Variants in DNAJC11 observed in about 807,000 individuals in gnomAD.
DNAJC11 encodes the protein dnaJ homolog subfamily C member 11.
Under a neutral mutation model 78.6 loss-of-function variants are expected in DNAJC11, and 15 were observed. That is an observed-to-expected ratio of 0.19 (90% CI 0.13 to 0.29). The LOEUF (loss-of-function observed/expected upper bound fraction) is 0.29, where lower values mean the gene tolerates loss of function less well. Ranked by LOEUF, DNAJC11 falls within the 10% of genes least tolerant of loss-of-function variation. The pLI is 1.00. For synonymous variants in DNAJC11, 292 were observed against 272.1 expected, an observed-to-expected ratio of 1.07 and a Z score of -0.72; for missense variants, 547 against 709.6, an observed-to-expected ratio of 0.77 and a Z score of 2.60.
At chr1:6,638,684 A>AT (rs1346285575) in intron 11 of DNAJC11, among the ~76,000 whole-genome samples, 2 of 152,222 alleles carry the variant, frequency 1.3e-5, no homozygotes, top group East Asian at 1.9e-4. Context: ...TGGGATTATT[A>AT]TTTTTTTAAT....
chr1:6,675,124 G>A (rs1570299754), intron 3 of DNAJC11, among the ~76,000 whole-genome samples: 2 of 152,288 alleles, frequency 1.3e-5, no homozygotes, highest in East Asian at 3.9e-4. Context: ...TTCATAGAAT[G>A]TGCTTGAGTT....
chr1:6,694,906 C>T (rs1303750532), intron 1 of DNAJC11, among the ~76,000 whole-genome samples: 1 of 146,092 alleles, frequency 6.8e-6, no homozygotes, highest in African/African-American at 2.5e-5. Flanking sequence ...ACCCGGGAGG[C>T]GGAGCTTGCA....
Position 6,634,488 on chromosome 1 carries a change from G to A in DNAJC11, c.*1187C>T. ...TTCAGCAACAGCTGTGGGTGGGCTG[G>A]AGGCCGGCGCAGCTTGGGGCCCCCC... On this transcript the variant is annotated 3_prime_UTR_variant, in exon 16 of 16. Transcript: ENST00000377577. The A allele has an allele frequency of 7.5e-7, 1 of 1,335,304 alleles. No individual in the cohort carries two copies. The highest frequency in any genetic ancestry group is 9.9e-7 in the Non-Finnish European group (1 of 1,006,252). 82.7% of individuals were successfully genotyped at this position (1,335,304 alleles called of 1,614,324 possible).
intron 10 of DNAJC11, among the ~76,000 whole-genome samples, 186 bp downstream of exon 10, chr1:6,644,372 G>A (rs1047805685): frequency 1.3e-5 from 2 of 152,228 alleles, no homozygotes; most frequent in African/African-American, 2.4e-5. Context: ...GACCTCAGGC[G>A]ATCCGGCCGC....
At chr1:6,639,266 G>A (rs1641836264) in intron 11 of DNAJC11, among the ~76,000 whole-genome samples, 1 of 151,894 alleles carries the variant, frequency 6.6e-6, no homozygotes, top group African/African-American at 2.4e-5. Context: ...CTTAAACTCA[G>A]CGCTGGGAAA....
At chr1:6,691,247 A>T (rs1034190067) in intron 1 of DNAJC11, among the ~76,000 whole-genome samples, 1 of 150,990 alleles carries the variant, frequency 6.6e-6, no homozygotes, top group African/African-American at 2.4e-5. Flanking sequence ...GCAGAGAAGG[A>T]ATCAGGTCTT....
At chr1:6,657,590 G>A (rs959065375) in intron 4 of DNAJC11, among the ~76,000 whole-genome samples, 2 of 152,238 alleles carry the variant, frequency 1.3e-5, no homozygotes, top group Non-Finnish European at 2.9e-5. Flanking sequence ...CACTGATACT[G>A]GAGATAGACA....
rs547220664 is a variant in DNAJC11 at position 6,634,834 on chromosome 1, G to T, written c.*841C>A. The T allele has an allele frequency of 1.4e-5, 17 of 1,243,620 alleles. No individual in the cohort carries two copies. In the African/African-American group the frequency reaches 1.9e-4, roughly 14 times the overall value. 77.0% of individuals were successfully genotyped at this position (1,243,620 alleles called of 1,614,324 possible). On this transcript the variant is annotated 3_prime_UTR_variant, in exon 16 of 16. Transcript: ENST00000377577. ...TGGGGTCCACGCCTTTGGGTTGGGT[G>T]TGTCTGATGTCTTGCCAAGCGCCTG...
intron 3 of DNAJC11, among the ~76,000 whole-genome samples, chr1:6,668,686 A>T (rs1177195880): frequency 6.6e-6 from 1 of 151,602 alleles, no homozygotes; most frequent in Non-Finnish European, 1.5e-5. Flanking sequence ...CTCCCACATC[A>T]GCCTCCCAAA....
intron 4 of DNAJC11, among the ~76,000 whole-genome samples, chr1:6,661,681 A>G (rs1242644942): frequency 6.6e-6 from 1 of 152,116 alleles, no homozygotes; most frequent in Non-Finnish European, 1.5e-5. Context: ...CCTTCCTGCC[A>G]CTACGCACAA....
intron 3 of DNAJC11, among the ~76,000 whole-genome samples, chr1:6,674,785 A>G (rs775525964): frequency 1.3e-5 from 2 of 152,050 alleles, no homozygotes; most frequent in Non-Finnish European, 2.9e-5. Context: ...AGTATTTTGT[A>G]CATTCTAAAG....
At chr1:6,671,770 G>A (rs1052502538) in intron 3 of DNAJC11, among the ~76,000 whole-genome samples, 2 of 151,958 alleles carry the variant, frequency 1.3e-5, no homozygotes, top group African/African-American at 4.8e-5. Context: ...CTGACCTCGT[G>A]ATCTGCCTGT....
Position 6,645,010 on chromosome 1 carries a change from G to T in DNAJC11, c.980+31C>A. The T allele has an allele frequency of 6.3e-7, 1 of 1,598,442 alleles. No individual in the cohort carries two copies. The highest frequency in any genetic ancestry group is 8.6e-7 in the Non-Finnish European group (1 of 1,165,956). On this transcript the variant is annotated intron_variant, in intron 9 of 15. Transcript: ENST00000377577. This position sits in a 1 kb window ranked among gnomAD's most constrained non-coding sequence, Gnocchi z 4.1. Reference sequence around the variant, plus strand: ...GTGAAGACCCGCATGCAGTACCAGTGTGCTTCCATTTTAGCCAGGCCAGGA... The same window carrying T: ...GTGAAGACCCGCATGCAGTACCAGTTTGCTTCCATTTTAGCCAGGCCAGGA...
intron 4 of DNAJC11, chr1:6,654,311 GACAAAAGTGTT>G (rs1481983695): frequency 3.3e-6 from 1 of 305,694 alleles, no homozygotes; most frequent in East Asian, 7.7e-5. Context: ...ACACGCCAAA[GACAAAAGTGTT>G]AGTCAAAGGA....
intron 3 of DNAJC11, among the ~76,000 whole-genome samples, chr1:6,676,976 C>A (rs1478645428): frequency 6.6e-6 from 1 of 151,936 alleles, no homozygotes; most frequent in Non-Finnish European, 1.5e-5. Flanking sequence ...GAGTTCGAGA[C>A]CAGCCTGACC....
intron 7 of DNAJC11, among the ~76,000 whole-genome samples, chr1:6,649,937 C>T (rs1421291076): frequency 6.6e-6 from 1 of 151,842 alleles, no homozygotes; most frequent in East Asian, 1.9e-4. Context: ...AACTCCTGTA[C>T]ATGTTTGTAC....
chr1:6,643,371 G>T (rs889776471), intron 10 of DNAJC11, among the ~76,000 whole-genome samples: 2 of 151,602 alleles, frequency 1.3e-5, no homozygotes, highest in African/African-American at 4.9e-5. Flanking sequence ...TGCCTCCCGG[G>T]TTCACACCAT....
intron 2 of DNAJC11, among the ~76,000 whole-genome samples, chr1:6,679,608 A>G (rs1301082585): frequency 6.6e-6 from 1 of 152,258 alleles, no homozygotes; most frequent in Non-Finnish European, 1.5e-5. Context: ...CTAACGGGAA[A>G]GGAAGAAATG....
chr1:6,644,566 G>T lies in DNAJC11; in HGVS notation c.1089C>A (p.Leu363=). 1.9e-6 allele frequency: 3 copies of T among 1,612,886 alleles called. No individual in the cohort carries two copies. Among genetic ancestry groups the T allele is most frequent in the Non-Finnish European group, 2.5e-6 (3 of 1,178,846 alleles). ...VSVGVPQGVS[L]KVKLNRASQT... Reference sequence around the variant, plus strand: ...GCCTAAGTTCAACTTACTTGACTTTGAGAGAAACACCCTGTGGAACTCCAA... The same window carrying T: ...GCCTAAGTTCAACTTACTTGACTTTTAGAGAAACACCCTGTGGAACTCCAA... The change falls in exon 10 of 16, where the codon CTC becomes CTA. Residue 363 remains leucine, a synonymous_variant. Coordinates refer to ENST00000377577, the MANE Select transcript of DNAJC11 (RefSeq NM_018198.4).
Sources: gnomAD v4.1 joint callset for allele counts (sites outside exome capture counted in the v4.1 genomes callset) on GRCh38, gnomAD v4.1.1 for gene constraint, Gnocchi (gnomAD v3.1) non-coding constraint, MANE v1.5 for transcripts, NCBI Gene and HGNC (gene_info 2026-07-23, HGNC 2026-07-21) for gene names.